The following HEPH variants were observed in gnomAD, a reference collection of about 807,000 sequenced individuals.
The protein encoded by HEPH is hephaestin.
A neutral mutation model predicts 80.8 loss-of-function variants in HEPH; 69 were observed. The ratio of observed to expected loss-of-function variants is 0.85; its 90% CI spans 0.70 to 1.04. HEPH has a LOEUF of 1.04. Ranked by LOEUF, HEPH falls within the 50% of genes least tolerant of loss-of-function variation. The pLI is 0.00. For synonymous variants in HEPH, 431 were observed against 322.8 expected (o/e 1.34, Z -3.60); for missense variants, 1,115 against 891.3 (o/e 1.25, Z -3.20).
chrX:66,229,905 C>T (rs1330705768), intron 15 of HEPH, among the ~76,000 whole-genome samples: 1 of 101,043 alleles, frequency 9.9e-6, no homozygotes, highest in Admixed American at 1.0e-4. Flanking sequence ...AGGTATATCT[C>T]CCAATGCTAT....
At chrX:66,179,462 G>GT (rs1303132222) in intron 4 of HEPH, among the ~76,000 whole-genome samples, 6 of 111,814 alleles carry the variant, frequency 5.4e-5, no homozygotes, top group Non-Finnish European at 7.5e-5. Context: ...CTTTATAGTA[G>GT]TTTTTTCCAA....
At chrX:66,256,079 TC>T (rs777079000) in intron 16 of HEPH, 25 bp from the exon 17 acceptor site, 1 of 1,138,986 alleles carries the variant, frequency 8.8e-7, no homozygotes, top group East Asian at 3.0e-5. Context: ...TCTCTTTCTC[TC>T]TCTCCCACTT....
At chrX:66,200,850 A>G in intron 12 of HEPH, 98 bp downstream of exon 12, 1 of 632,108 alleles carries the variant, frequency 1.6e-6, no homozygotes, top group South Asian at 2.9e-5. Context: ...AATAATAGGC[A>G]TGTTAAGGGT....
intron 14 of HEPH, among the ~76,000 whole-genome samples, 167 bp from the exon 15 acceptor site, chrX:66,207,948 C>T (rs188844213): frequency 8.1e-5 from 9 of 111,490 alleles, no homozygotes; most frequent in Non-Finnish European, 1.1e-4. Context: ...TTAAGGACTT[C>T]TGAATCTTAA....
At chrX:66,217,660 A>G (rs765945857) in intron 15 of HEPH, among the ~76,000 whole-genome samples, 1 of 111,915 alleles carries the variant, frequency 8.9e-6, no homozygotes, top group African/African-American at 3.2e-5. Flanking sequence ...CAAACAGCAC[A>G]ATGAATAGAA....
intron 5 of HEPH, among the ~76,000 whole-genome samples, chrX:66,188,926 A>G (rs971828778): frequency 7.1e-5 from 8 of 112,758 alleles, no homozygotes; most frequent in African/African-American, 2.6e-4. Flanking sequence ...AGAAGTTAGC[A>G]GAATTATCCA....
intron 4 of HEPH, among the ~76,000 whole-genome samples, chrX:66,179,681 G>A (rs951389539): frequency 1.8e-5 from 2 of 111,184 alleles, no homozygotes; most frequent in African/African-American, 6.5e-5. Context: ...CACTATTATT[G>A]TGTTTCTCCC....
In HEPH at chrX:66,223,367, G is replaced by T. The variant is rs182266749; in HGVS notation, c.2563+15121G>T. On this transcript the variant is annotated intron_variant, in intron 15 of 20. Transcript: ENST00000343002. ...TATTTTTATTAGTTTCTAGACCAAAGAAACCCAAACACCATTTTATATTTA... is the reference window on the plus strand; with the variant it reads ...TATTTTTATTAGTTTCTAGACCAAATAAACCCAAACACCATTTTATATTTA... Among the ~76,000 whole-genome samples the T allele has an allele frequency of 2.1e-4, 23 of 111,592 alleles. No homozygotes were observed. The East Asian group carries it at 5.6e-3, about 27-fold the overall frequency.
chrX:66,178,239 C>A (rs1047280570), intron 4 of HEPH, among the ~76,000 whole-genome samples: 7 of 111,733 alleles, frequency 6.3e-5, no homozygotes, highest in African/African-American at 2.3e-4. Context: ...ATGATGGTTT[C>A]CAGCTTCATC....
chrX:66,190,036 C>T, intron 6 of HEPH, 98 bp downstream of exon 6: 2 of 868,679 alleles, frequency 2.3e-6, no homozygotes. Flanking sequence ...AATAAGTCCT[C>T]CAGTTGAGGC....
chrX:66,232,583 G>A (rs2090194386), intron 15 of HEPH, among the ~76,000 whole-genome samples: 1 of 110,830 alleles, frequency 9.0e-6, no homozygotes, highest in Admixed American at 9.6e-5. Flanking sequence ...TTAATATGTG[G>A]TGCAATGGGG....
rs957000585 is a variant in HEPH at position 66,225,217 on chromosome X, G to A, written c.2563+16971G>A. On this transcript the variant is annotated intron_variant, in intron 15 of 20. Transcript: ENST00000343002. The stretch of plus-strand genomic sequence containing the variant: ...TTTCCTGGTGTAATAGTACTCCATC[G>A]TCTCCCTTAAATCCTTTCTTGAAAT... 6.3e-5 allele frequency among the ~76,000 whole-genome samples: 7 copies of A among 111,302 alleles called. No homozygotes were observed. The South Asian group carries it at 1.1e-3, about 18-fold the overall frequency.
intron 10 of HEPH, 138 bp downstream of exon 10, chrX:66,198,032 T>G (rs958112345): frequency 2.0e-6 from 1 of 508,380 alleles, no homozygotes; most frequent in African/African-American, 2.4e-5. Context: ...CATCAGAAAT[T>G]AATAGTTGGT....
At chrX:66,178,924 T>G (rs1363692541) in intron 4 of HEPH, among the ~76,000 whole-genome samples, 1 of 112,193 alleles carries the variant, frequency 8.9e-6, no homozygotes, top group Non-Finnish European at 1.9e-5. Context: ...TAGTTTCTTT[T>G]GCTGTGTAGA....
In HEPH at chrX:66,258,896, C is replaced by A; in HGVS notation, c.2953C>A (p.Arg985=). 4 of 1,196,953 alleles carry A rather than the reference C, an allele frequency of 3.3e-6. No homozygotes were observed. Among genetic ancestry groups the A allele is most frequent in the Non-Finnish European group, 4.5e-6 (4 of 888,009 alleles). Residue 985 remains arginine, a synonymous_variant, in exon 18 of 21, where the codon CGA becomes AGA. Coordinates refer to ENST00000343002, the MANE Select transcript of HEPH (RefSeq NM_001367233.3). Reference sequence around the variant, plus strand: ...GGGTCTTACCATGTACCAAGGAGAACGAGTGGCCTGGTACATGCTGGCCAT... The same window carrying A: ...GGGTCTTACCATGTACCAAGGAGAAAGAGTGGCCTGGTACATGCTGGCCAT... ...LRGLTMYQGE[R]VAWYMLAMGQ...
In HEPH at chrX:66,198,978, G is replaced by A. The variant is rs199533755; in HGVS notation, c.1814G>A (p.Arg605Gln). 42 of 1,209,296 alleles carry A rather than the reference G, an allele frequency of 3.5e-5. No individual in the cohort carries two copies. Among genetic ancestry groups the A allele is most frequent in the South Asian group, 2.6e-4 (15 of 56,788 alleles). The change falls in exon 11 of 21, where the codon CGA (arginine) becomes CAA (glutamine). Residue 605 changes from arginine (R) to glutamine (Q), a missense_variant. This residue lies in a region of HEPH where 716 missense variants were observed against 523.5 expected (regional missense o/e 1.37). Transcript: ENST00000343002. ...CAAGCAGCTGCTATGTTGGATTTCC[G>A]ACTGCTTTCAGAGGATATTGAGGGC... ...ANQAAAMLDF[R>Q]LLSEDIEGFQ...
Position 66,193,602 on chromosome X carries a change from A to G in HEPH, c.1333A>G (p.Met445Val), listed in dbSNP as rs760752953. 3.4e-6 allele frequency: 4 copies of G among 1,193,391 alleles called. No homozygotes were observed. The highest frequency in any genetic ancestry group is 3.4e-6 in the Non-Finnish European group (3 of 883,900). ...TCAAGATGAGACATTCCAAGAGAAG[A>G]TGCATTTGGAGGAAGATAGGCATCT... is the stretch of plus-strand genomic sequence containing the variant. ...AFQDETFQEK[M>V]HLEEDRHLGI... Residue 445 changes from methionine to valine, a missense_variant, in exon 8 of 21, where the codon ATG (methionine) becomes GTG (valine). By Grantham distance (21) the Met-to-Val change is conservative. Coordinates refer to ENST00000343002, the MANE Select transcript of HEPH (RefSeq NM_001367233.3).
chrX:66,169,909 T>A (rs2086515973), intron 1 of HEPH: 1 of 111,961 alleles, frequency 8.9e-6, no homozygotes, highest in South Asian at 3.8e-4. Context: ...TGTACTCTTT[T>A]GTGTCTATTT....
chrX:66,181,985 G>T (rs1602237690), intron 4 of HEPH, among the ~76,000 whole-genome samples: 3 of 110,162 alleles, frequency 2.7e-5, no homozygotes, highest in Admixed American at 9.6e-5. Flanking sequence ...GTTTTTCTCA[G>T]GTTTGTCAAA....
Sources: allele counts gnomAD v4.1 joint callset (sites outside exome capture counted in the v4.1 genomes callset), GRCh38; gene constraint gnomAD v4.1.1; regional missense constraint gnomAD v4.1.1; transcripts MANE v1.5; gene names NCBI Gene and HGNC (gene_info 2026-07-23, HGNC 2026-07-21).